RXFP1: variants seen among roughly 807,000 people sequenced by gnomAD.
The protein encoded by RXFP1 is relaxin receptor 1.
A neutral mutation model predicts 89.8 loss-of-function variants in RXFP1; 73 were observed. The ratio of observed to expected loss-of-function variants is 0.81; its 90% CI spans 0.67 to 0.99. The LOEUF is 0.99. Ranked by LOEUF, RXFP1 falls within the 50% of genes least tolerant of loss-of-function variation. The pLI, the probability that RXFP1 is intolerant of heterozygous loss-of-function variation, is 0.00. For missense variants in RXFP1, 793 were observed against 895.5 expected, an observed-to-expected ratio of 0.89 and a Z score of 1.46; for synonymous variants, 277 against 305.5, an observed-to-expected ratio of 0.91 and a Z score of 0.97.
At chr4:158,545,799 A>G (rs1044688202) in intron 1 of RXFP1, among the ~76,000 whole-genome samples, 2 of 152,102 alleles carry the variant, frequency 1.3e-5, no homozygotes, top group Non-Finnish European at 2.9e-5. Flanking sequence ...GTTCTGTTCC[A>G]TTGATCTATA....
chr4:158,612,032 A>G, intron 6 of RXFP1, 98 bp from the exon 7 acceptor site: 1 of 914,468 alleles, frequency 1.1e-6, no homozygotes, highest in Non-Finnish European at 1.7e-6. Flanking sequence ...TGAGAATGCT[A>G]TGTAAAAAAT....
chr4:158,557,517 G>GGT (rs1287461434), intron 1 of RXFP1, among the ~76,000 whole-genome samples: 2 of 152,014 alleles, frequency 1.3e-5, no homozygotes, highest in Non-Finnish European at 2.9e-5. Context: ...TTGGAGGCAG[G>GGT]GTCTCCTCTG....
rs373813584 is a variant in RXFP1 at position 158,536,774 on chromosome 4, A to G, written c.49+14749A>G. 2.7e-4 allele frequency among the ~76,000 whole-genome samples: 41 copies of G among 152,294 alleles called. No individual in the cohort carries two copies. The South Asian group carries it at 7.5e-3, about 28-fold the overall frequency. On this transcript the variant is annotated intron_variant, in intron 1 of 17. Coordinates refer to ENST00000307765, the MANE Select transcript of RXFP1 (RefSeq NM_021634.4). ...GGTTTGCCTTCAACTGAACAAAGTC[A>G]TATTCTTCCACTGGATAAATTATTT...
rs756611049 is a variant in RXFP1 at position 158,644,914 on chromosome 4, T to A, written c.1121T>A (p.Phe374Tyr). 1.4e-5 allele frequency: 22 copies of A among 1,610,380 alleles called. No individual in the cohort carries two copies. The highest frequency in any genetic ancestry group is 1.6e-4 in the Middle Eastern group (1 of 6,080). ...ACTTTCTCTTTGTACACCAGATATTTTAAGAAATTCCAGTACTGTGGGTAT... is the reference window on the plus strand; with the variant it reads ...ACTTTCTCTTTGTACACCAGATATTATAAGAAATTCCAGTACTGTGGGTAT... ...RPLMNLSHIY[F>Y]KKFQYCGYAP... Residue 374 changes from phenylalanine (F) to tyrosine (Y), a missense_variant, in exon 15 of 18, where the codon TTT becomes TAT. By Grantham distance (22) the Phe-to-Tyr change is conservative (BLOSUM62 3). Coordinates refer to ENST00000307765, the MANE Select transcript of RXFP1 (RefSeq NM_021634.4).
Position 158,646,871 on chromosome 4 carries a change from G to A in RXFP1, c.1426G>A (p.Ala476Thr). ...LKFRGEYNKH[A>T]QLWMESTHCQ... ...GTTTCGTGGAGAATACAATAAGCAT[G>A]CGCAGCTGTGGATGGAGAGTACTCA... is the stretch of plus-strand genomic sequence containing the variant. Residue 476 changes from alanine to threonine, a missense_variant, in exon 16 of 18, where the codon GCG becomes ACG. Ala to Thr is a moderately conservative substitution (Grantham distance 58, BLOSUM62 0). Transcript: ENST00000307765. The A allele has an allele frequency of 1.9e-6, 3 of 1,614,098 alleles. No individual in the cohort carries two copies. The highest frequency in any genetic ancestry group is 2.5e-6 in the Non-Finnish European group (3 of 1,179,966).
At chr4:158,605,822 AG>A in intron 5 of RXFP1, among the ~76,000 whole-genome samples, 1 of 152,340 alleles carries the variant, frequency 6.6e-6, no homozygotes, top group East Asian at 1.9e-4. Flanking sequence ...ACACTAACTA[AG>A]AAATATCTCA....
intron 1 of RXFP1, among the ~76,000 whole-genome samples, chr4:158,565,966 G>A (rs1753462382): frequency 1.3e-5 from 2 of 152,140 alleles, no homozygotes; most frequent in African/African-American, 4.8e-5. Context: ...ATGGACATCA[G>A]ACAACCCAAA....
intron 1 of RXFP1, among the ~76,000 whole-genome samples, chr4:158,546,884 C>A (rs927311209): frequency 3.3e-5 from 5 of 152,156 alleles, no homozygotes; most frequent in African/African-American, 9.7e-5. Flanking sequence ...CATCAATGTT[C>A]ATCAAGGATG....
intron 3 of RXFP1, among the ~76,000 whole-genome samples, chr4:158,598,580 C>A (rs1761080666): frequency 6.6e-6 from 1 of 152,124 alleles, no homozygotes; most frequent in Non-Finnish European, 1.5e-5. Flanking sequence ...TATATGAATA[C>A]ATCATTGCAA....
chr4:158,537,425 T>C (rs952768285), intron 1 of RXFP1, among the ~76,000 whole-genome samples: 2 of 152,102 alleles, frequency 1.3e-5, no homozygotes, highest in African/African-American at 4.8e-5. Flanking sequence ...CTTATGTCCT[T>C]TGAGAAAACA....
chr4:158,622,290 G>T (rs541495409), intron 9 of RXFP1, among the ~76,000 whole-genome samples: 1 of 151,696 alleles, frequency 6.6e-6, no homozygotes, highest in East Asian at 1.9e-4. Context: ...CAGCCTGGGC[G>T]ACAGAGCAAG....
At chr4:158,526,528 A>G (rs1742539973) in intron 1 of RXFP1, among the ~76,000 whole-genome samples, 1 of 152,216 alleles carries the variant, frequency 6.6e-6, no homozygotes, top group Non-Finnish European at 1.5e-5. Flanking sequence ...AATATTTCAA[A>G]TTTAGGTTTT....
intron 1 of RXFP1, among the ~76,000 whole-genome samples, chr4:158,561,278 T>C (rs1752371006): frequency 2.0e-5 from 3 of 152,210 alleles, no homozygotes; most frequent in Admixed American, 2.0e-4. Flanking sequence ...TAATCTGAAA[T>C]TTTGAAATCC....
At chr4:158,603,763 G>C (rs1423791742) in intron 4 of RXFP1, among the ~76,000 whole-genome samples, 2 of 151,728 alleles carry the variant, frequency 1.3e-5, no homozygotes, top group Admixed American at 6.6e-5. Flanking sequence ...GGTGGCGCAC[G>C]CCTGTAATCC....
chr4:158,625,052 A>C (rs1270833616), intron 9 of RXFP1, among the ~76,000 whole-genome samples: 1 of 144,884 alleles, frequency 6.9e-6, no homozygotes, highest in African/African-American at 2.8e-5. Context: ...AACTCACCTC[A>C]TTAAGCGCAT....
chr4:158,541,180 CAA>C (rs1746516915), intron 1 of RXFP1, among the ~76,000 whole-genome samples: 1 of 152,142 alleles, frequency 6.6e-6, no homozygotes, highest in Non-Finnish European at 1.5e-5. Context: ...GTCAAACTCT[CAA>C]AGTCTCTAAA....
chr4:158,543,128 A>C (rs1747247996), intron 1 of RXFP1, among the ~76,000 whole-genome samples: 1 of 152,092 alleles, frequency 6.6e-6, no homozygotes, highest in African/African-American at 2.4e-5. Flanking sequence ...ACACACACAC[A>C]CCTGCACACA....
At chr4:158,530,238 G>T (rs893658005) in intron 1 of RXFP1, among the ~76,000 whole-genome samples, 24 of 152,216 alleles carry the variant, frequency 1.6e-4, no homozygotes, top group Middle Eastern at 3.4e-3. Flanking sequence ...AGCTGCCCTA[G>T]GAAGCTTTTT....
intron 1 of RXFP1, among the ~76,000 whole-genome samples, chr4:158,559,700 G>T (rs895900911): frequency 6.6e-6 from 1 of 152,140 alleles, no homozygotes; most frequent in Non-Finnish European, 1.5e-5. Flanking sequence ...ATGGTATCAC[G>T]CAAACTAGGA....
Sources: allele counts gnomAD v4.1 joint callset (sites outside exome capture counted in the v4.1 genomes callset), GRCh38; gene constraint gnomAD v4.1.1; transcripts MANE v1.5; gene names NCBI Gene and HGNC (gene_info 2026-07-23, HGNC 2026-07-21).